GBE1: variants seen among roughly 807,000 people sequenced by gnomAD.
GBE1 encodes 1,4-alpha-glucan branching enzyme 1.
Under a neutral mutation model 88.8 loss-of-function variants are expected in GBE1, and 70 were observed. The ratio of observed to expected loss-of-function variants is 0.79; its 90% confidence interval spans 0.65 to 0.96. GBE1 has a LOEUF of 0.96. GBE1 is among the 40% of genes least tolerant of loss of function. The pLI, the probability that GBE1 is intolerant of heterozygous loss-of-function variation, is 0.00. For synonymous variants in GBE1, 284 were observed against 300.1 expected (o/e 0.95, Z 0.56); for missense variants, 872 against 871.0 (o/e 1.00, Z -0.01).
intron 1 of GBE1, among the ~76,000 whole-genome samples, chr3:81,750,458 TC>T (rs1399111251): frequency 6.8e-6 from 1 of 146,460 alleles, no homozygotes; most frequent in Non-Finnish European, 1.5e-5. Flanking sequence ...GACCATTTTT[TC>T]ATGAGCCCAA....
intron 3 of GBE1, among the ~76,000 whole-genome samples, chr3:81,658,823 C>T (rs566738192): frequency 5.9e-5 from 9 of 152,172 alleles, no homozygotes; most frequent in East Asian, 1.9e-4. Flanking sequence ...TTGAGATTTA[C>T]GAAGCAGGCA....
intron 12 of GBE1, among the ~76,000 whole-genome samples, 190 bp downstream of exon 12, chr3:81,577,735 C>T (rs186173813): frequency 1.3e-5 from 2 of 152,200 alleles, no homozygotes; most frequent in East Asian, 3.9e-4. Context: ...ACTTTTGTAT[C>T]ATATATTAAT....
intron 14 of GBE1, among the ~76,000 whole-genome samples, chr3:81,505,745 GGTGTGTGTCTAT>G (rs558448290): frequency 1.4e-3 from 207 of 151,928 alleles, no homozygotes; most frequent in Non-Finnish European, 2.6e-3. Context: ...GTGGTCGGGG[GGTGTGTGTCTAT>G]GTGTGTGTGT....
At chr3:81,623,164 T>C (rs1004988742) in intron 7 of GBE1, among the ~76,000 whole-genome samples, 2 of 152,230 alleles carry the variant, frequency 1.3e-5, no homozygotes, top group African/African-American at 2.4e-5. Context: ...AGGTTTTATA[T>C]GATCTGACAA....
At chr3:81,609,547 G>C (rs1415057913) in intron 7 of GBE1, among the ~76,000 whole-genome samples, 1 of 151,976 alleles carries the variant, frequency 6.6e-6, no homozygotes, top group African/African-American at 2.4e-5. Flanking sequence ...TTGCTCCCTA[G>C]GATTTTGGGG....
intron 7 of GBE1, among the ~76,000 whole-genome samples, chr3:81,620,635 G>A (rs568598285): frequency 5.3e-5 from 8 of 152,234 alleles, no homozygotes; most frequent in East Asian, 3.9e-4. Flanking sequence ...CTGAAATGAC[G>A]TGGTCCGGTA....
chr3:81,633,116 G>A (rs1167384912), intron 7 of GBE1, among the ~76,000 whole-genome samples: 1 of 152,114 alleles, frequency 6.6e-6, no homozygotes, highest in Non-Finnish European at 1.5e-5. Flanking sequence ...ATGGCACATG[G>A]TTTGGCTCAT....
intron 3 of GBE1, among the ~76,000 whole-genome samples, chr3:81,661,204 C>T (rs1705025971): frequency 6.6e-6 from 1 of 151,850 alleles, no homozygotes; most frequent in Non-Finnish European, 1.5e-5. Context: ...ATATACTATG[C>T]CCACATTGAA....
At chr3:81,723,230 T>C (rs1286531076) in intron 1 of GBE1, among the ~76,000 whole-genome samples, 2 of 151,044 alleles carry the variant, frequency 1.3e-5, no homozygotes, top group Non-Finnish European at 2.9e-5. Context: ...GAAACTGACA[T>C]ATATCCTTGG....
intron 5 of GBE1, among the ~76,000 whole-genome samples, chr3:81,646,956 CT>C (rs34290906): frequency 0.07 from 9,302 of 132,256 alleles, 261 homozygotes; most frequent in African/African-American, 0.16. Flanking sequence ...CATAAGGTAG[CT>C]TTTTTTTTTT....
intron 7 of GBE1, among the ~76,000 whole-genome samples, chr3:81,607,417 C>T (rs928664036): frequency 1.3e-5 from 2 of 151,890 alleles, no homozygotes; most frequent in African/African-American, 4.8e-5. Flanking sequence ...GGCTTGGTGG[C>T]GCACACCTGT....
chr3:81,761,377 G>T lies in GBE1; in HGVS notation c.141C>A (p.Arg47=), dbSNP rs1234184417. The part of the protein sequence containing the change: ...YLKPYAVDFQ[R]RYKQFSQILK... ...GGGTGGTGGGATTCCGGCGGTACCT[G>T]CGCTGGAAGTCCACGGCGTAGGGCT... Residue 47 remains arginine (R), a splice_region_variant and synonymous_variant, in exon 1 of 16, where the codon CGC becomes CGA. Transcript: ENST00000429644. The T allele has an allele frequency of 4.4e-6, 7 of 1,607,288 alleles. No homozygotes were observed. Among genetic ancestry groups the T allele is most frequent in the African/African-American group, 1.3e-5 (1 of 74,416 alleles).
chr3:81,746,524 G>C (rs1164966309), intron 1 of GBE1, among the ~76,000 whole-genome samples: 1 of 152,086 alleles, frequency 6.6e-6, no homozygotes, highest in Non-Finnish European at 1.5e-5. Context: ...GCCTCCCAAA[G>C]TACTGGGATT....
At chr3:81,613,130 T>A in intron 7 of GBE1, 1 of 393,732 alleles carries the variant, frequency 2.5e-6, no homozygotes, top group Non-Finnish European at 4.4e-6. Context: ...TCTCCAGTCC[T>A]TGGGAGCAAG....
chr3:81,560,840 A>G (rs1191331440), intron 12 of GBE1, among the ~76,000 whole-genome samples: 3 of 152,030 alleles, frequency 2.0e-5, no homozygotes, highest in African/African-American at 7.2e-5. Context: ...TAAGCTTAAT[A>G]GTATAGTCTT....
chr3:81,591,024 AC>A lies in GBE1; in HGVS notation c.1236+12del. ...AAAGGGGGTCAGAAGGTAAGACTTC[AC>A]TATGGCTTTACCTCAGCTATTGTTA... On this transcript the variant is annotated intron_variant, in intron 9 of 15. Transcript: ENST00000429644. 6.2e-7 allele frequency: 1 copy of A among 1,603,524 alleles called. No individual in the cohort carries two copies. The highest frequency in any genetic ancestry group is 8.5e-7 in the Non-Finnish European group (1 of 1,174,366).
At chr3:81,744,155 G>C (rs948182805) in intron 1 of GBE1, among the ~76,000 whole-genome samples, 2 of 151,858 alleles carry the variant, frequency 1.3e-5, no homozygotes, top group East Asian at 3.9e-4. Context: ...GTCTAATATG[G>C]TAGCCACCAG....
chr3:81,635,801 A>G (rs1704584226), intron 7 of GBE1, among the ~76,000 whole-genome samples: 1 of 152,188 alleles, frequency 6.6e-6, no homozygotes, highest in Admixed American at 6.5e-5. Flanking sequence ...TAAGCGAAAG[A>G]AAGAAAATAG....
chr3:81,710,239 T>TC (rs1705842343), intron 1 of GBE1, among the ~76,000 whole-genome samples: 1 of 122,962 alleles, frequency 8.1e-6, no homozygotes, highest in Non-Finnish European at 1.7e-5. Flanking sequence ...AATCTTTTTT[T>TC]TTTTTTTTTT....
Sources: allele counts gnomAD v4.1 joint callset (sites outside exome capture counted in the v4.1 genomes callset), GRCh38; gene constraint gnomAD v4.1.1; transcripts MANE v1.5; gene names NCBI Gene and HGNC (gene_info 2026-07-23, HGNC 2026-07-21).